The following VPS8 variants were observed in gnomAD, a reference collection of about 807,000 sequenced individuals.
VPS8 encodes the protein vacuolar protein sorting-associated protein 8 homolog.
In VPS8, 129 loss-of-function variants were observed where a neutral mutation model predicts 216.4. The observed-to-expected ratio is 0.60, with a 90% CI of 0.52 to 0.69. The LOEUF is 0.69. Among genes scored for constraint, VPS8 ranks in the 30% least tolerant of loss-of-function variants. VPS8 has a pLI of 0.00. For missense variants in VPS8, 1,531 were observed against 1,683.5 expected (o/e 0.91, Z 1.59); for synonymous variants, 571 against 565.4 (o/e 1.01, Z -0.14).
chr3:184,923,273 A>G (rs1183900687), intron 29 of VPS8, among the ~76,000 whole-genome samples: 1 of 152,114 alleles, frequency 6.6e-6, no homozygotes, highest in East Asian at 1.9e-4. Flanking sequence ...TCCCTCCTAC[A>G]CTTCTGCATT....
At chr3:184,826,285 C>G (rs1322655892) in intron 3 of VPS8, 54 bp downstream of exon 3, 2 of 1,468,608 alleles carry the variant, frequency 1.4e-6, no homozygotes, top group African/African-American at 1.4e-5. Flanking sequence ...CATCTTAATA[C>G]TTTTTGGATT....
rs1259858559 is a variant in VPS8 at position 184,952,479 on chromosome 3, A to C, written c.3036-4895A>C. Among the ~76,000 whole-genome samples, 7 of 152,324 alleles carry C rather than the reference A, an allele frequency of 4.6e-5. No individual in the cohort carries two copies. In the East Asian group the frequency reaches 1.3e-3, roughly 29 times the overall value. Reference sequence around the variant, plus strand: ...TTTCAGATAAAGAGTTGCAACCTGCAAGGTGGCCATTCTACGGGCTGGGAA... The same window carrying C: ...TTTCAGATAAAGAGTTGCAACCTGCCAGGTGGCCATTCTACGGGCTGGGAA... On this transcript the variant is annotated intron_variant, in intron 36 of 47. Coordinates refer to ENST00000625842, the MANE Select transcript of VPS8 (RefSeq NM_001009921.3).
In VPS8 at chr3:184,852,496, T is replaced by G; in HGVS notation, c.754-4T>G. On this transcript the variant is annotated splice_polypyrimidine_tract_variant and splice_region_variant and intron_variant, in intron 10 of 47. Coordinates refer to ENST00000625842, the MANE Select transcript of VPS8 (RefSeq NM_001009921.3). Reference sequence around the variant, plus strand: ...ACAAGAAAATAAATTCCTTCTCTGTTTAGTTTACAGATGATCCAACTCTTG... The same window carrying G: ...ACAAGAAAATAAATTCCTTCTCTGTGTAGTTTACAGATGATCCAACTCTTG... 1 of 1,611,724 alleles carries G rather than the reference T, an allele frequency of 6.2e-7. No homozygotes were observed. The highest frequency in any genetic ancestry group is 8.5e-7 in the Non-Finnish European group (1 of 1,179,120).
At position 184,829,891 on chromosome 3, in the gene VPS8, C is replaced by T. The variant is rs753156383; in HGVS notation, c.223-2798C>T. 2.6e-5 allele frequency among the ~76,000 whole-genome samples: 4 copies of T among 152,062 alleles called. No homozygotes were observed. The East Asian group carries it at 7.7e-4, about 29-fold the overall frequency. ...ATTTTTTAAGTGATTTATAGGAGTTCTTTATATATGCTAATACAAGCCCTT... is the reference window on the plus strand; with the variant it reads ...ATTTTTTAAGTGATTTATAGGAGTTTTTTATATATGCTAATACAAGCCCTT... On this transcript the variant is annotated intron_variant, in intron 3 of 47. Coordinates refer to ENST00000625842, the MANE Select transcript of VPS8 (RefSeq NM_001009921.3).
In VPS8 at chr3:185,052,048, G is replaced by A; in HGVS notation, c.*23G>A. The A allele has an allele frequency of 6.2e-7, 1 of 1,602,296 alleles. No homozygotes were observed. The highest frequency in any genetic ancestry group is 8.5e-7 in the Non-Finnish European group (1 of 1,174,714). ...TGATGACTCCATGGAGCCTGGCCCA[G>A]GAGAACCAGAGATGATCCCGAGGCA... On this transcript the variant is annotated 3_prime_UTR_variant, in exon 48 of 48. Transcript: ENST00000625842.
At chr3:185,032,703 T>G (rs1395353591) in intron 46 of VPS8, among the ~76,000 whole-genome samples, 1 of 152,134 alleles carries the variant, frequency 6.6e-6, no homozygotes. Flanking sequence ...TCTCGCTCTG[T>G]CGCCCAGGCT....
At chr3:184,924,163 A>G (rs1739146008) in intron 29 of VPS8, among the ~76,000 whole-genome samples, 1 of 152,246 alleles carries the variant, frequency 6.6e-6, no homozygotes, top group Non-Finnish European at 1.5e-5. Flanking sequence ...ACTGCTTAAT[A>G]GAAAGCGGAA....
intron 27 of VPS8, 96 bp from the exon 28 acceptor site, chr3:184,915,259 T>C (rs372308300): frequency 1.4e-6 from 2 of 1,469,388 alleles, no homozygotes; most frequent in African/African-American, 2.8e-5. Context: ...TAAACTGAAT[T>C]CAGCCTGCCT....
intron 21 of VPS8, among the ~76,000 whole-genome samples, chr3:184,873,073 A>G (rs1262048105): frequency 6.6e-6 from 1 of 152,190 alleles, no homozygotes; most frequent in African/African-American, 2.4e-5. Context: ...ACAAAGATTT[A>G]CTGAGCACAT....
intron 36 of VPS8, among the ~76,000 whole-genome samples, chr3:184,953,681 T>A (rs186664098): frequency 1.2e-4 from 18 of 152,344 alleles, no homozygotes; most frequent in Admixed American, 5.2e-4. Context: ...CTACAGGGAA[T>A]CAAACATCTT....
Position 185,052,198 on chromosome 3 carries a change from A to C in VPS8, c.*173A>C. ...AGCACCATTCCCAGTGTAGACTCCC[A>C]GTCTTCTCCACATTGCTGTCATGGC... On this transcript the variant is annotated 3_prime_UTR_variant, in exon 48 of 48. Coordinates refer to ENST00000625842, the MANE Select transcript of VPS8 (RefSeq NM_001009921.3). 1.6e-6 allele frequency: 1 copy of C among 606,398 alleles called. No homozygotes were observed. Among genetic ancestry groups the C allele is most frequent in the Non-Finnish European group, 2.7e-6 (1 of 369,364 alleles). 37.6% of individuals were successfully genotyped at this position (606,398 alleles called of 1,614,324 possible). A position where few individuals can be genotyped will look rare whatever the true frequency, so the allele number is the denominator to read the frequency against.
intron 37 of VPS8, among the ~76,000 whole-genome samples, chr3:184,959,780 A>G (rs537270761): frequency 6.6e-6 from 1 of 152,056 alleles, no homozygotes; most frequent in East Asian, 1.9e-4. Flanking sequence ...ATTCAAGAGT[A>G]TTTGTTGCAC....
At chr3:184,956,647 C>A (rs1745653457) in intron 36 of VPS8, among the ~76,000 whole-genome samples, 1 of 152,178 alleles carries the variant, frequency 6.6e-6, no homozygotes, top group Admixed American at 6.5e-5. Context: ...TAAGCAGCTA[C>A]TTTCGGCCAT....
chr3:184,882,215 A>C, intron 21 of VPS8: 1 of 345,070 alleles, frequency 2.9e-6, no homozygotes, highest in Non-Finnish European at 5.7e-6. Context: ...GATTTTTTGT[A>C]GTTACTTCTT....
intron 40 of VPS8, among the ~76,000 whole-genome samples, chr3:184,979,070 T>C (rs945381197): frequency 1.3e-5 from 2 of 152,228 alleles, no homozygotes; most frequent in African/African-American, 4.8e-5. Flanking sequence ...CCAAAAGTCA[T>C]CCAGTAGGGT....
intron 42 of VPS8, among the ~76,000 whole-genome samples, chr3:184,993,528 C>T (rs1344333106): frequency 2.6e-5 from 4 of 152,102 alleles, no homozygotes; most frequent in African/African-American, 7.2e-5. Context: ...GAGCTGTTTT[C>T]TCAGAACCTG....
chr3:184,925,010 G>T (rs1459289835), intron 30 of VPS8, 29 bp downstream of exon 30: 19 of 1,595,684 alleles, frequency 1.2e-5, no homozygotes, highest in Admixed American at 1.8e-5. Context: ...AAACTAAAAG[G>T]TTTTTTCCTG....
intron 21 of VPS8, among the ~76,000 whole-genome samples, chr3:184,880,156 T>C (rs527325092): frequency 6.6e-6 from 1 of 152,310 alleles, no homozygotes; most frequent in East Asian, 1.9e-4. Context: ...AGTGATCCCA[T>C]ACCCTTAAAC....
chr3:184,870,136 A>G (rs1728079796), intron 20 of VPS8, among the ~76,000 whole-genome samples: 1 of 152,180 alleles, frequency 6.6e-6, no homozygotes, highest in Non-Finnish European at 1.5e-5. Flanking sequence ...GAACTAGTGT[A>G]TGTGCAAATG....
Sources: allele counts gnomAD v4.1 joint callset (sites outside exome capture counted in the v4.1 genomes callset), GRCh38; gene constraint gnomAD v4.1.1; transcripts MANE v1.5; gene names NCBI Gene and HGNC (gene_info 2026-07-23, HGNC 2026-07-21).